Variants in NAV2 observed in about 807,000 individuals in gnomAD.
NAV2 encodes the protein helicase, APC down-regulated 1.
In NAV2, 54 loss-of-function variants were observed where a neutral mutation model predicts 223.2. The observed-to-expected ratio is 0.24, with a 90% CI of 0.19 to 0.30. NAV2 has a LOEUF of 0.30. NAV2 is among the 10% of genes least tolerant of loss of function. NAV2 has a pLI of 1.00. For synonymous variants in NAV2, 1,279 were observed against 1,239.3 expected (o/e 1.03, Z -0.67); for missense variants, 2,806 against 3,147.5 (o/e 0.89, Z 2.60).
At position 19,769,628 on chromosome 11, in the gene NAV2, C is replaced by T. The variant is rs142299717; in HGVS notation, c.267+55666C>T. Among the ~76,000 whole-genome samples the T allele has an allele frequency of 9.9e-5, 15 of 152,224 alleles. 1 individual carries two copies. In the East Asian group the frequency reaches 2.9e-3, roughly 29 times the overall value. The stretch of plus-strand genomic sequence containing the variant: ...AAGCCCTGGAGTAGATTGTGTCCAC[C>T]GTTGTGTATGTGTGCTTGCAAACAA... On this transcript the variant is annotated intron_variant, in intron 1 of 37. Coordinates refer to ENST00000349880, the MANE Select transcript of NAV2 (RefSeq NM_145117.5).
At chr11:19,349,046 T>G (rs1013379348), upstream of NAV2, among the ~76,000 whole-genome samples, 2 of 152,198 alleles carry the variant, frequency 1.3e-5, no homozygotes, top group African/African-American at 4.8e-5. Flanking sequence ...AGTATCTACT[T>G]TTTTTCTAAA....
At chr11:19,607,008 A>G (rs1303766979) in intron 1 of NAV2, among the ~76,000 whole-genome samples, 1 of 152,090 alleles carries the variant, frequency 6.6e-6, no homozygotes, top group African/African-American at 2.4e-5. Flanking sequence ...CACCTTCCAC[A>G]CCGTATGGGC....
intron 5 of NAV2, among the ~76,000 whole-genome samples, chr11:19,891,798 A>T (rs1465030712): frequency 6.6e-6 from 1 of 152,176 alleles, no homozygotes; most frequent in South Asian, 2.1e-4. Flanking sequence ...TATGGCAAAC[A>T]GTTTTTATAC....
At chr11:19,392,648 C>T (rs1000413671) in intron 1 of NAV2, among the ~76,000 whole-genome samples, 2 of 152,176 alleles carry the variant, frequency 1.3e-5, no homozygotes, top group South Asian at 2.1e-4. Context: ...ATCACTTCTC[C>T]AGCATTCTGT....
At chr11:19,522,081 C>T (rs940887984) in intron 1 of NAV2, among the ~76,000 whole-genome samples, 15 of 152,184 alleles carry the variant, frequency 9.9e-5, no homozygotes, top group African/African-American at 3.6e-4. Flanking sequence ...AGGCCTGCTA[C>T]ATAGAGAGGT....
At chr11:20,025,108 C>T (rs1171439541) in intron 11 of NAV2, among the ~76,000 whole-genome samples, 1 of 152,048 alleles carries the variant, frequency 6.6e-6, no homozygotes, top group African/African-American at 2.4e-5. Context: ...TATTCAAATC[C>T]AGCTCTGTTT....
At chr11:20,072,032 T>C (rs1036575594) in intron 22 of NAV2, among the ~76,000 whole-genome samples, 2 of 152,208 alleles carry the variant, frequency 1.3e-5, no homozygotes, top group Non-Finnish European at 2.9e-5. Flanking sequence ...TCCTGAATAG[T>C]ATTGCCTAGG....
chr11:19,998,222 C>T lies in NAV2; in HGVS notation c.2768+13975C>T, dbSNP rs2052124545. Among the ~76,000 whole-genome samples the T allele has an allele frequency of 6.6e-6, 1 of 151,996 alleles. No individual in the cohort carries two copies. The highest frequency in any genetic ancestry group is 2.4e-5 in the African/African-American group (1 of 41,400). Reference sequence around the variant, plus strand: ...TCGGCAAACTCCCCCCAAACAGTTTCAAATCTCTCAGCTTCTCTCTGTCTC... The same window carrying T: ...TCGGCAAACTCCCCCCAAACAGTTTTAAATCTCTCAGCTTCTCTCTGTCTC... On this transcript the variant is annotated intron_variant, in intron 11 of 37. Coordinates refer to ENST00000349880, the MANE Select transcript of NAV2 (RefSeq NM_145117.5). This position sits in a 1 kb window ranked among gnomAD's most constrained non-coding sequence, Gnocchi z 5.0.
chr11:19,989,077 G>A (rs746709537), intron 11 of NAV2, among the ~76,000 whole-genome samples: 2 of 152,160 alleles, frequency 1.3e-5, no homozygotes, highest in Non-Finnish European at 2.9e-5. Context: ...CTCCCCTCAC[G>A]CTTCATTCTA....
At chr11:19,417,195 C>T (rs1425007027) in intron 1 of NAV2, among the ~76,000 whole-genome samples, 5 of 152,074 alleles carry the variant, frequency 3.3e-5, no homozygotes, top group Admixed American at 6.6e-5. Context: ...GCGATCTATC[C>T]GTCTGACAAA....
intron 6 of NAV2, among the ~76,000 whole-genome samples, chr11:19,907,347 GAA>G (rs1254935302): frequency 6.6e-6 from 1 of 152,148 alleles, no homozygotes; most frequent in Non-Finnish European, 1.5e-5. Flanking sequence ...AAACCGTGAT[GAA>G]AAGTGTTTTT....
At chr11:20,019,818 G>C (rs1325536005) in intron 11 of NAV2, among the ~76,000 whole-genome samples, 2 of 152,038 alleles carry the variant, frequency 1.3e-5, no homozygotes, top group East Asian at 3.9e-4. Flanking sequence ...GGTAAGGACA[G>C]AGAGTTGACC....
chr11:19,922,534 A>G (rs2044368274), intron 6 of NAV2, among the ~76,000 whole-genome samples: 1 of 152,174 alleles, frequency 6.6e-6, no homozygotes, highest in African/African-American at 2.4e-5. Context: ...CTGGGGAGCT[A>G]GTTAAAACCC....
intron 12 of NAV2, among the ~76,000 whole-genome samples, chr11:20,041,193 T>C (rs532563681): frequency 7.9e-5 from 12 of 152,288 alleles, no homozygotes; most frequent in Non-Finnish European, 1.5e-4. Flanking sequence ...AAATGTATCA[T>C]ATACCTCGAC....
At chr11:19,469,203 C>T (rs1308455087) in intron 1 of NAV2, among the ~76,000 whole-genome samples, 1 of 152,190 alleles carries the variant, frequency 6.6e-6, no homozygotes, top group Non-Finnish European at 1.5e-5. Flanking sequence ...AGTGGCTGTT[C>T]CTCTTGCTCC....
intron 2 of NAV2, among the ~76,000 whole-genome samples, chr11:19,834,297 C>T (rs886189753): frequency 5.3e-5 from 8 of 152,144 alleles, no homozygotes; most frequent in South Asian, 2.1e-4. Context: ...AATTGAGGCC[C>T]GGTGAAGCTT....
At chr11:19,391,490 T>C (rs1849246451) in intron 1 of NAV2, among the ~76,000 whole-genome samples, 1 of 152,232 alleles carries the variant, frequency 6.6e-6, no homozygotes, top group Admixed American at 6.5e-5. Context: ...ATTTTAAACC[T>C]TATCAATGAC....
intron 1 of NAV2, among the ~76,000 whole-genome samples, chr11:19,406,421 G>T (rs76656890): frequency 0.1 from 15,335 of 152,246 alleles, 967 homozygotes; most frequent in Admixed American, 0.15. Flanking sequence ...GTGGAGGAGA[G>T]CGTTTTCCAG....
chr11:19,347,376 CTGGGCT>C (rs955653829), upstream of NAV2, among the ~76,000 whole-genome samples: 1 of 152,178 alleles, frequency 6.6e-6, no homozygotes, highest in Non-Finnish European at 1.5e-5. Flanking sequence ...CATCTATGTA[CTGGGCT>C]ATATCTCCAA....
Sources: allele counts gnomAD v4.1 joint callset (sites outside exome capture counted in the v4.1 genomes callset), GRCh38; gene constraint gnomAD v4.1.1; non-coding constraint Gnocchi (gnomAD v3.1); transcripts MANE v1.5; gene names NCBI Gene and HGNC (gene_info 2026-07-23, HGNC 2026-07-21).